Variants in CADPS observed in about 807,000 individuals in gnomAD.
CADPS encodes calcium-dependent secretion activator 1.
Under a neutral mutation model 167.3 loss-of-function variants are expected in CADPS, and 57 were observed. The observed-to-expected ratio is 0.34, with a 90% CI of 0.28 to 0.42. CADPS has a LOEUF of 0.42. Among genes scored for constraint, CADPS ranks in the 20% least tolerant of loss-of-function variants. The pLI is 1.00. For missense variants in CADPS, 1,414 were observed against 1,738.1 expected (o/e 0.81, Z 3.32); for synonymous variants, 676 against 635.3 (o/e 1.06, Z -0.96).
intron 1 of CADPS, among the ~76,000 whole-genome samples, chr3:62,799,576 G>C (rs1438486605): frequency 6.6e-6 from 1 of 152,108 alleles, no homozygotes; most frequent in Non-Finnish European, 1.5e-5. Flanking sequence ...ACAAATTCTA[G>C]AGTCAAATCA....
intron 6 of CADPS, among the ~76,000 whole-genome samples, chr3:62,615,877 A>G (rs1176340769): frequency 6.6e-6 from 1 of 152,206 alleles, no homozygotes; most frequent in Non-Finnish European, 1.5e-5. Flanking sequence ...TTTCAGATTT[A>G]TAGGAATAAT....
At position 62,446,449 on chromosome 3, in the gene CADPS, G is replaced by C. The variant is rs2057242179; in HGVS notation, c.3637-652C>G. 6.6e-6 allele frequency among the ~76,000 whole-genome samples: 1 copy of C among 152,158 alleles called. No homozygotes were observed. Among genetic ancestry groups the C allele is most frequent in the Non-Finnish European group, 1.5e-5 (1 of 68,036 alleles). The stretch of plus-strand genomic sequence containing the variant: ...TAGCGTGCTAGAGTGTTATGTTTGA[G>C]AGCATGAAGTTTGGAGTCAGATCTC... On this transcript the variant is annotated intron_variant, in intron 26 of 29. Transcript: ENST00000383710. The surrounding 1 kb of genome is among the most constrained non-coding windows in gnomAD (Gnocchi z 4.9).
chr3:62,779,164 A>G (rs896930824), intron 1 of CADPS: 19 of 198,630 alleles, frequency 9.6e-5, no homozygotes, highest in Admixed American at 2.3e-4. Flanking sequence ...TGGGATTATA[A>G]TAACCTCTTA....
chr3:62,672,672 G>A (rs771257096), intron 3 of CADPS, among the ~76,000 whole-genome samples: 2 of 152,166 alleles, frequency 1.3e-5, no homozygotes, highest in African/African-American at 2.4e-5. Flanking sequence ...TGTCTAGGCT[G>A]GAATGCAATG....
intron 1 of CADPS, among the ~76,000 whole-genome samples, chr3:62,776,437 G>A (rs1394798646): frequency 6.6e-6 from 1 of 152,164 alleles, no homozygotes; most frequent in Admixed American, 6.6e-5. Context: ...GGCGGATCAC[G>A]AGGTCAGGAG....
intron 3 of CADPS, among the ~76,000 whole-genome samples, chr3:62,695,632 A>G (rs1333802541): frequency 1.3e-5 from 2 of 152,068 alleles, no homozygotes; most frequent in Non-Finnish European, 2.9e-5. Context: ...TCTTGTCACT[A>G]AAACCTAATT....
intron 16 of CADPS, among the ~76,000 whole-genome samples, chr3:62,513,029 T>C (rs1379334051): frequency 2.0e-5 from 3 of 152,152 alleles, no homozygotes. Flanking sequence ...GAAACATACA[T>C]GAACTCTCCA....
chr3:62,861,509 C>T (rs1350637652), intron 1 of CADPS, among the ~76,000 whole-genome samples: 1 of 152,140 alleles, frequency 6.6e-6, no homozygotes, highest in Non-Finnish European at 1.5e-5. Context: ...GATTTTTGTA[C>T]AAATCTCCCC....
At chr3:62,856,708 A>C (rs905112445) in intron 1 of CADPS, among the ~76,000 whole-genome samples, 16 of 151,958 alleles carry the variant, frequency 1.1e-4, no homozygotes, top group African/African-American at 3.6e-4. Flanking sequence ...AATACAATAA[A>C]AATTTAGTGC....
intron 3 of CADPS, among the ~76,000 whole-genome samples, chr3:62,669,987 A>G (rs1346342158): frequency 6.6e-6 from 1 of 152,190 alleles, no homozygotes; most frequent in Non-Finnish European, 1.5e-5. Context: ...AGTTTCAGAG[A>G]TAATTAGCTC....
chr3:62,523,265 C>G (rs2071191818), intron 13 of CADPS, among the ~76,000 whole-genome samples: 1 of 152,100 alleles, frequency 6.6e-6, no homozygotes, highest in Admixed American at 6.6e-5. Flanking sequence ...AAATTGTTCT[C>G]TTTTTCCCAA....
intron 3 of CADPS, among the ~76,000 whole-genome samples, chr3:62,683,377 CA>C (rs1408820445): frequency 6.6e-6 from 1 of 152,002 alleles, no homozygotes; most frequent in Non-Finnish European, 1.5e-5. Flanking sequence ...GCCTACCATG[CA>C]TAGGCTAGGC....
At position 62,617,569 on chromosome 3, in the gene CADPS, A is replaced by G. The variant is rs538216054; in HGVS notation, c.1326-24821T>C. Among the ~76,000 whole-genome samples the G allele has an allele frequency of 2.6e-5, 4 of 152,278 alleles. 1 individual carries two copies. In the South Asian group the frequency reaches 8.3e-4, roughly 32 times the overall value. ...CTCATAGGCTGGTGGAGAAACCCCA[A>G]AATGAACAAGACATGTGTGATGAGA... On this transcript the variant is annotated intron_variant, in intron 6 of 29. Coordinates refer to ENST00000383710, the MANE Select transcript of CADPS (RefSeq NM_003716.4).
intron 18 of CADPS, among the ~76,000 whole-genome samples, chr3:62,496,829 A>C (rs1003153763): frequency 6.6e-6 from 1 of 152,220 alleles, no homozygotes; most frequent in Non-Finnish European, 1.5e-5. Context: ...TAGTTGCCTC[A>C]GTGCTCAGAA....
chr3:62,545,927 T>C (rs965057754), intron 11 of CADPS, among the ~76,000 whole-genome samples: 1 of 152,152 alleles, frequency 6.6e-6, no homozygotes, highest in Non-Finnish European at 1.5e-5. Context: ...CCTTTTGTCT[T>C]GTAAATACTA....
In CADPS at chr3:62,544,415, G is replaced by A. The variant is rs2076154352; in HGVS notation, c.1966+5488C>T. Among the ~76,000 whole-genome samples the A allele has an allele frequency of 6.6e-6, 1 of 151,256 alleles. No individual in the cohort carries two copies. The highest frequency in any genetic ancestry group is 2.4e-5 in the African/African-American group (1 of 40,984). ...CTCTGACCATTCGAATCTTTGGAAT[G>A]GGAAAGGAAAAACAACAACAACAAC... On this transcript the variant is annotated intron_variant, in intron 11 of 29. Coordinates refer to ENST00000383710, the MANE Select transcript of CADPS (RefSeq NM_003716.4). The surrounding 1 kb of genome is among the most constrained non-coding windows in gnomAD (Gnocchi z 4.4).
At chr3:62,825,103 A>G in intron 1 of CADPS, among the ~76,000 whole-genome samples, 1 of 152,176 alleles carries the variant, frequency 6.6e-6, no homozygotes, top group East Asian at 1.9e-4. Context: ...ATAATTTCAC[A>G]GCCTTTTGTT....
rs987630204 is a variant in CADPS, at chr3:62,420,293, A to G, written c.3778-17108T>C. Among the ~76,000 whole-genome samples the G allele has an allele frequency of 1.3e-5, 2 of 152,232 alleles. No individual in the cohort carries two copies. Among genetic ancestry groups the G allele is most frequent in the African/African-American group, 4.8e-5 (2 of 41,466 alleles). ...TTCCAAAGTCCTCTAGACAGTTTTGAAACTAGATCTATTTCAATTCAATGA... is the reference window on the plus strand; with the variant it reads ...TTCCAAAGTCCTCTAGACAGTTTTGGAACTAGATCTATTTCAATTCAATGA... On this transcript the variant is annotated intron_variant, in intron 28 of 29. Coordinates refer to ENST00000383710, the MANE Select transcript of CADPS (RefSeq NM_003716.4). This position sits in a 1 kb window ranked among gnomAD's most constrained non-coding sequence, Gnocchi z 4.1.
At chr3:62,640,361 G>A (rs2067176989) in intron 6 of CADPS, among the ~76,000 whole-genome samples, 1 of 152,068 alleles carries the variant, frequency 6.6e-6, no homozygotes, top group Non-Finnish European at 1.5e-5. Flanking sequence ...ACTTAATGTG[G>A]GAACAATTTA....
Sources: gnomAD v4.1 joint callset for allele counts (sites outside exome capture counted in the v4.1 genomes callset) on GRCh38, gnomAD v4.1.1 for gene constraint, Gnocchi (gnomAD v3.1) non-coding constraint, MANE v1.5 for transcripts, NCBI Gene and HGNC (gene_info 2026-07-23, HGNC 2026-07-21) for gene names.